ARMH3: variants seen among roughly 807,000 people sequenced by gnomAD.
ARMH3 encodes armadillo-like helical domain-containing protein 3.
Under a neutral mutation model 99.1 loss-of-function variants are expected in ARMH3, and 60 were observed. The ratio of observed to expected loss-of-function variants is 0.61; its 90% confidence interval spans 0.49 to 0.75. The LOEUF is 0.75. Among genes scored for constraint, ARMH3 ranks in the 30% least tolerant of loss-of-function variants. ARMH3 has a pLI of 0.00. For synonymous variants in ARMH3, 285 were observed against 292.8 expected (o/e 0.97, Z 0.27); for missense variants, 679 against 843.1 (o/e 0.81, Z 2.41).
At chr10:101,993,661 C>T in intron 16 of ARMH3, 58 bp from the exon 17 acceptor site, 2 of 1,169,434 alleles carry the variant, frequency 1.7e-6, no homozygotes, top group Non-Finnish European at 2.5e-6. Context: ...AAACTGTAAT[C>T]TATCACACTT....
chr10:101,920,986 G>C (rs986946555), intron 23 of ARMH3, among the ~76,000 whole-genome samples: 1 of 152,150 alleles, frequency 6.6e-6, no homozygotes, highest in Non-Finnish European at 1.5e-5. Context: ...GCAGGGGCTG[G>C]GGAAGGGGAA....
chr10:101,861,877 CAAAAAAA>C (rs36095929), intron 24 of ARMH3, among the ~76,000 whole-genome samples: 15 of 94,008 alleles, frequency 1.6e-4, no homozygotes, highest in African/African-American at 2.1e-4. Context: ...CTAAAAATAC[CAAAAAAA>C]AAAAAAAAAA....
At chr10:101,883,754 G>A (rs1420748045) in intron 24 of ARMH3, among the ~76,000 whole-genome samples, 1 of 152,042 alleles carries the variant, frequency 6.6e-6, no homozygotes, top group Non-Finnish European at 1.5e-5. Context: ...CACTTTGGGA[G>A]GCAAAGGTGG....
chr10:101,944,845 G>A (rs1362556133), intron 22 of ARMH3, among the ~76,000 whole-genome samples: 4 of 151,838 alleles, frequency 2.6e-5, no homozygotes, highest in African/African-American at 9.7e-5. Context: ...GAAAAACAAA[G>A]ATATTATGCA....
chr10:101,900,455 C>A (rs942561446), intron 23 of ARMH3, among the ~76,000 whole-genome samples: 1 of 152,170 alleles, frequency 6.6e-6, no homozygotes, highest in Non-Finnish European at 1.5e-5. Context: ...TGGAGATAAG[C>A]TCAAAACCCC....
intron 20 of ARMH3, among the ~76,000 whole-genome samples, chr10:101,967,373 C>T (rs1162160881): frequency 1.3e-5 from 2 of 152,192 alleles, no homozygotes; most frequent in Non-Finnish European, 2.9e-5. Context: ...TGCCAGCAAT[C>T]AGCAGGCTCA....
At chr10:102,007,336 TAAA>T (rs34558673) in intron 13 of ARMH3, among the ~76,000 whole-genome samples, 2 of 132,538 alleles carry the variant, frequency 1.5e-5, no homozygotes, top group Non-Finnish European at 1.6e-5. Context: ...CACAGACATT[TAAA>T]AAAAAAAAAA....
intron 4 of ARMH3, among the ~76,000 whole-genome samples, chr10:102,030,487 T>A (rs1050259180): frequency 6.6e-6 from 1 of 152,058 alleles, no homozygotes; most frequent in Non-Finnish European, 1.5e-5. Context: ...GGCAAGTGGA[T>A]CACCTGAGGT....
chr10:101,970,963 G>A (rs1242104021), intron 20 of ARMH3, among the ~76,000 whole-genome samples: 1 of 151,378 alleles, frequency 6.6e-6, no homozygotes, highest in Non-Finnish European at 1.5e-5. Context: ...GGGGCATGGT[G>A]GCTTGCATCT....
intron 24 of ARMH3, among the ~76,000 whole-genome samples, chr10:101,873,409 CAA>C (rs1030179527): frequency 1.3e-5 from 2 of 151,278 alleles, no homozygotes; most frequent in Admixed American, 1.3e-4. Flanking sequence ...AAGATTCTGT[CAA>C]AAAAACAAAA....
At chr10:101,909,559 C>T (rs1842785419) in intron 23 of ARMH3, among the ~76,000 whole-genome samples, 1 of 149,170 alleles carries the variant, frequency 6.7e-6, no homozygotes, top group Admixed American at 6.7e-5. Context: ...GCCTCAACCT[C>T]CCCAAGCTCA....
chr10:101,979,806 T>C (rs1846152556), intron 19 of ARMH3, among the ~76,000 whole-genome samples: 1 of 152,202 alleles, frequency 6.6e-6, no homozygotes, highest in African/African-American at 2.4e-5. Flanking sequence ...GGTGGATAAA[T>C]TGATACTCTT....
chr10:101,985,126 T>C (rs1053829277), intron 19 of ARMH3, among the ~76,000 whole-genome samples: 1 of 150,094 alleles, frequency 6.7e-6, no homozygotes, highest in South Asian at 2.1e-4. Flanking sequence ...TACATATATA[T>C]ACACACATGT....
intron 13 of ARMH3, among the ~76,000 whole-genome samples, chr10:102,007,296 G>A (rs187182524): frequency 6.7e-6 from 1 of 149,538 alleles, no homozygotes; most frequent in African/African-American, 2.5e-5. Context: ...AAGCAACTAG[G>A]TTCCCATTAC....
chr10:101,983,410 T>G (rs1448118563), intron 19 of ARMH3, among the ~76,000 whole-genome samples: 1 of 152,154 alleles, frequency 6.6e-6, no homozygotes, highest in Non-Finnish European at 1.5e-5. Context: ...GCCTCCCAAG[T>G]AGCTGGGACT....
intron 23 of ARMH3, among the ~76,000 whole-genome samples, chr10:101,901,940 A>C (rs974881477): frequency 1.3e-5 from 2 of 152,360 alleles, no homozygotes; most frequent in African/African-American, 4.8e-5. Context: ...AAGGAAAGAA[A>C]TATTACTAGG....
Position 101,985,315 on chromosome 10 carries a change from C to CATAT in ARMH3, c.1406+5232_1406+5235dup, listed in dbSNP as rs79499574. On this transcript the variant is annotated intron_variant, in intron 19 of 25. Coordinates refer to ENST00000370033, the MANE Select transcript of ARMH3 (RefSeq NM_024541.3). ...ACACACGTATATATACATGTATATA[C>CATAT]ATATATATATACAGATCGCATGGGT... 4.5e-4 allele frequency among the ~76,000 whole-genome samples: 67 copies of CATAT among 147,346 alleles called. 1 individual carries two copies. The highest frequency in any genetic ancestry group is 4.2e-3 in the South Asian group (20 of 4,712).
At chr10:101,990,266 C>CT (rs1846727619) in intron 19 of ARMH3, among the ~76,000 whole-genome samples, 1 of 151,196 alleles carries the variant, frequency 6.6e-6, no homozygotes, top group Non-Finnish European at 1.5e-5. Context: ...TGACTGCAAG[C>CT]TCCGCCTCCT....
At chr10:101,878,916 T>C (rs932975681) in intron 24 of ARMH3, among the ~76,000 whole-genome samples, 2 of 152,176 alleles carry the variant, frequency 1.3e-5, no homozygotes, top group Non-Finnish European at 2.9e-5. Context: ...TCTGAGACAC[T>C]TGATTGGAAT....
Sources: gnomAD v4.1 joint callset for allele counts (sites outside exome capture counted in the v4.1 genomes callset) on GRCh38, gnomAD v4.1.1 for gene constraint, MANE v1.5 for transcripts, NCBI Gene and HGNC (gene_info 2026-07-23, HGNC 2026-07-21) for gene names.